Variants in PPP4R2 observed in about 807,000 individuals in gnomAD.
The protein encoded by PPP4R2 is protein phosphatase 4 regulatory subunit 2.
Under a neutral mutation model 47.2 loss-of-function variants are expected in PPP4R2, and 13 were observed. The observed-to-expected ratio is 0.28, with a 90% confidence interval of 0.18 to 0.44. The LOEUF is 0.44. PPP4R2 is among the 20% of genes least tolerant of loss of function. The probability of loss-of-function intolerance (pLI) is 1.00; values close to 1 mark genes in which losing one functional copy is unlikely to be tolerated. For missense variants in PPP4R2, 421 were observed against 491.2 expected, an observed-to-expected ratio of 0.86 and a Z score of 1.35; for synonymous variants, 151 against 163.3, an observed-to-expected ratio of 0.92 and a Z score of 0.57.
intron 2 of PPP4R2, among the ~76,000 whole-genome samples, chr3:73,007,781 G>C (rs1483257560): frequency 6.6e-6 from 1 of 152,280 alleles, no homozygotes; most frequent in South Asian, 2.1e-4. Context: ...GAGCCACCGC[G>C]CCCGGCCTCT....
intron 2 of PPP4R2, among the ~76,000 whole-genome samples, chr3:72,999,248 C>G (rs973002183): frequency 6.6e-6 from 1 of 152,270 alleles, no homozygotes; most frequent in African/African-American, 2.4e-5. Context: ...ATGGGACCCT[C>G]TGGGCGGGGG....
At chr3:73,042,874 A>G (rs986118965) in intron 2 of PPP4R2, among the ~76,000 whole-genome samples, 6 of 152,150 alleles carry the variant, frequency 3.9e-5, no homozygotes, top group African/African-American at 7.2e-5. Context: ...TTCATAATTC[A>G]TGTCAATTTA....
At chr3:73,002,288 T>G (rs1483709613) in intron 2 of PPP4R2, among the ~76,000 whole-genome samples, 1 of 152,236 alleles carries the variant, frequency 6.6e-6, no homozygotes, top group Non-Finnish European at 1.5e-5. Flanking sequence ...GGTCTTGCTG[T>G]TGCCCAGGCT....
In PPP4R2 at chr3:73,063,537, T is replaced by A. The variant is rs1702920022; in HGVS notation, c.420-136T>A. On this transcript the variant is annotated intron_variant, in intron 5 of 8. Coordinates refer to ENST00000356692, the MANE Select transcript of PPP4R2 (RefSeq NM_174907.4). ...TACTTGGGAGGCTGAGGCATAAGAA[T>A]TGCTTGAACCTGGGAAGTGGAGGTT... 2.5e-5 allele frequency: 15 copies of A among 590,372 alleles called. No homozygotes were observed. The South Asian group carries it at 3.0e-4, about 12-fold the overall frequency. The allele number at this position is 590,372 out of a possible 1,614,324, so 36.6% of individuals were successfully genotyped here.
chr3:73,006,714 C>T (rs372213897), intron 2 of PPP4R2, among the ~76,000 whole-genome samples: 3 of 152,274 alleles, frequency 2.0e-5, no homozygotes, highest in South Asian at 2.1e-4. Context: ...AGACCTGCTT[C>T]GTCTTTTCGA....
At position 73,063,610 on chromosome 3, in the gene PPP4R2, C is replaced by T. The variant is rs1053079004; in HGVS notation, c.420-63C>T. On this transcript the variant is annotated intron_variant, in intron 5 of 8. Transcript: ENST00000356692. The stretch of plus-strand genomic sequence containing the variant: ...CTGCACTCCATTCCACCTTGGGTGA[C>T]AGAGCCAGACTCCATCTAAAAAAAA... 62 of 929,692 alleles carry T rather than the reference C, an allele frequency of 6.7e-5. 1 individual carries two copies. The South Asian group carries it at 7.6e-4, about 11-fold the overall frequency. 57.6% of individuals were successfully genotyped at this position (929,692 alleles called of 1,614,324 possible).
intron 2 of PPP4R2, among the ~76,000 whole-genome samples, chr3:73,006,096 G>A (rs75923077): frequency 2.0e-3 from 303 of 151,992 alleles, no homozygotes; most frequent in Middle Eastern, 6.8e-3. Flanking sequence ...TATGTAAATG[G>A]AACCATACAG....
Position 73,063,654 on chromosome 3 carries a change from G to C in PPP4R2, c.420-19G>C, listed in dbSNP as rs1351266161. 1 of 1,447,722 alleles carries C rather than the reference G, an allele frequency of 6.9e-7. No homozygotes were observed. Among genetic ancestry groups the C allele is most frequent in the Non-Finnish European group, 9.7e-7 (1 of 1,030,824 alleles). The allele number at this position is 1,447,722 out of a possible 1,614,324, so 89.7% of individuals were successfully genotyped here. A position where few individuals can be genotyped will look rare whatever the true frequency, so the allele number is the denominator to read the frequency against. On this transcript the variant is annotated intron_variant, in intron 5 of 8. Transcript: ENST00000356692. Reference sequence around the variant, plus strand: ...AAAAAAAATTAAGTCATCCACAAGTGTATTTTCTTTTCTTATAGGAAAAAC... The same window carrying C: ...AAAAAAAATTAAGTCATCCACAAGTCTATTTTCTTTTCTTATAGGAAAAAC...
chr3:73,038,267 A>T (rs1299182241), intron 2 of PPP4R2, among the ~76,000 whole-genome samples: 1 of 152,220 alleles, frequency 6.6e-6, no homozygotes, highest in Non-Finnish European at 1.5e-5. Context: ...GGCTGTGGTC[A>T]TTGTGAGCCG....
chr3:73,042,393 C>T (rs1702398639), intron 2 of PPP4R2, among the ~76,000 whole-genome samples: 3 of 116,582 alleles, frequency 2.6e-5, no homozygotes, highest in Admixed American at 1.2e-4. Context: ...GAGATGGAGT[C>T]TCGCTGTGTC....
chr3:73,046,600 G>T (rs983891698), intron 2 of PPP4R2, among the ~76,000 whole-genome samples: 2 of 152,114 alleles, frequency 1.3e-5, no homozygotes, highest in Non-Finnish European at 1.5e-5. Flanking sequence ...TATTTTTATT[G>T]TGCAAGTACT....
intron 3 of PPP4R2, among the ~76,000 whole-genome samples, chr3:73,052,508 A>G (rs1702637908): frequency 6.6e-6 from 1 of 152,208 alleles, no homozygotes; most frequent in Non-Finnish European, 1.5e-5. Flanking sequence ...CTCCTATTAC[A>G]GAGACCATGA....
At chr3:73,002,144 A>G (rs1367246593) in intron 2 of PPP4R2, among the ~76,000 whole-genome samples, 1 of 152,224 alleles carries the variant, frequency 6.6e-6, no homozygotes, top group Non-Finnish European at 1.5e-5. Context: ...ATAATGGCCT[A>G]TAGTTCCATC....
intron 1 of PPP4R2, 134 bp downstream of exon 1, chr3:72,997,205 T>G: frequency 1.7e-6 from 1 of 599,940 alleles, no homozygotes; most frequent in Non-Finnish European, 2.5e-6. Flanking sequence ...CCCATCCCCC[T>G]CCACCTCCCC....
intron 2 of PPP4R2, among the ~76,000 whole-genome samples, chr3:73,005,232 C>T (rs577473214): frequency 1.3e-5 from 2 of 152,028 alleles, no homozygotes; most frequent in African/African-American, 2.4e-5. Flanking sequence ...TGAGCCACTG[C>T]GCCCGGCCAA....
rs1702998256 is a variant in PPP4R2 at position 73,066,386 on chromosome 3, A to T, written c.*664A>T. 1 of 151,838 alleles carries T rather than the reference A, an allele frequency of 6.6e-6. No homozygotes were observed. Among genetic ancestry groups the T allele is most frequent in the South Asian group, 2.1e-4 (1 of 4,824 alleles). The allele number at this position is 151,838 out of a possible 1,614,324, so 9.4% of individuals were successfully genotyped here. ...AGACATTTTCTTTCTCTTCTGAGTAATTGAAATAAAATCTGGCCCTTGTGA... is the reference window on the plus strand; with the variant it reads ...AGACATTTTCTTTCTCTTCTGAGTATTTGAAATAAAATCTGGCCCTTGTGA... On this transcript the variant is annotated 3_prime_UTR_variant, in exon 9 of 9. Coordinates refer to ENST00000356692, the MANE Select transcript of PPP4R2 (RefSeq NM_174907.4).
intron 8 of PPP4R2, 99 bp from the exon 9 acceptor site, chr3:73,065,298 G>A: frequency 7.5e-7 from 1 of 1,334,368 alleles, no homozygotes; most frequent in South Asian, 1.5e-5. Flanking sequence ...AATTTCAGGG[G>A]ATGTGATTTG....
chr3:73,027,851 G>A (rs1284816822), intron 2 of PPP4R2: 2 of 151,618 alleles, frequency 1.3e-5, no homozygotes, highest in African/African-American at 4.9e-5. Flanking sequence ...GGCTTTCTGG[G>A]AGGTCTTTAC....
intron 5 of PPP4R2, 36 bp from the exon 6 acceptor site, chr3:73,063,637 T>C: frequency 7.6e-7 from 1 of 1,307,570 alleles, no homozygotes; most frequent in Non-Finnish European, 1.1e-6. Context: ...TAAAAAAAAA[T>C]TAAGTCATCC....
Sources: allele counts gnomAD v4.1 joint callset (sites outside exome capture counted in the v4.1 genomes callset), GRCh38; gene constraint gnomAD v4.1.1; transcripts MANE v1.5; gene names NCBI Gene and HGNC (gene_info 2026-07-23, HGNC 2026-07-21).